Variants in RAB18 observed in about 807,000 individuals in gnomAD.
RAB18 encodes the protein ras-related protein Rab-18.
Under a neutral mutation model 28.5 loss-of-function variants are expected in RAB18, and 10 were observed. The ratio of observed to expected loss-of-function variants is 0.35; its 90% confidence interval spans 0.22 to 0.60. The LOEUF (loss-of-function observed/expected upper bound fraction) is 0.60. RAB18 is among the 20% of genes least tolerant of loss of function. The probability of loss-of-function intolerance (pLI) is 0.78; values close to 1 mark genes in which losing one functional copy is unlikely to be tolerated. For missense variants in RAB18, 188 were observed against 244.2 expected (o/e 0.77, Z 1.53); for synonymous variants, 93 against 86.9 (o/e 1.07, Z -0.39).
chr10:27,505,709 A>G (rs2138960140), intron 1 of RAB18, among the ~76,000 whole-genome samples: 1 of 152,190 alleles, frequency 6.6e-6, no homozygotes, highest in East Asian at 1.9e-4. Context: ...ACAGGCGCGC[A>G]CTATCATGCC....
In RAB18 at chr10:27,504,644, C is replaced by T; in HGVS notation, c.68+207C>T. 4.0e-6 allele frequency: 3 copies of T among 748,682 alleles called. No homozygotes were observed. The South Asian group carries it at 4.4e-5, about 11-fold the overall frequency. The allele number at this position is 748,682 out of a possible 1,614,324, so 46.4% of individuals were successfully genotyped here. On this transcript the variant is annotated intron_variant, in intron 1 of 6. Coordinates refer to ENST00000356940, the MANE Select transcript of RAB18 (RefSeq NM_021252.5). ...GCGCCTGCCTGGTTCCCGGCCTTTG[C>T]CAGGCCCAAGTTCTCTGGGTCGCTC...
Position 27,541,508 on chromosome 10 carries a change from C to G in RAB18, c.*3457C>G, listed in dbSNP as rs1454996353. ...TGTGGTATAAAGTTTGCTTAAGTGC[C>G]CCTTAGTTAAAGCTGTTCAATGAAT... On this transcript the variant is annotated 3_prime_UTR_variant, in exon 7 of 7. Transcript: ENST00000356940. The G allele has an allele frequency of 4.4e-6, 2 of 453,712 alleles. No homozygotes were observed. Among genetic ancestry groups the G allele is most frequent in the African/African-American group, 4.0e-5 (2 of 49,904 alleles). 28.1% of individuals were successfully genotyped at this position (453,712 alleles called of 1,614,324 possible).
At chr10:27,531,801 T>C (rs1381735971) in intron 3 of RAB18, among the ~76,000 whole-genome samples, 3 of 151,842 alleles carry the variant, frequency 2.0e-5, no homozygotes, top group Non-Finnish European at 4.4e-5. Context: ...TTTTTTTTTT[T>C]CTCAACAAAT....
intron 3 of RAB18, chr10:27,531,420 T>C: frequency 7.0e-7 from 1 of 1,421,812 alleles, no homozygotes; most frequent in South Asian, 1.6e-5. Context: ...CTAACATTTT[T>C]ATATCTGGGG....
intron 4 of RAB18, 106 bp from the exon 5 acceptor site, chr10:27,533,629 G>T: frequency 7.5e-7 from 1 of 1,327,580 alleles, no homozygotes; most frequent in South Asian, 1.3e-5. Context: ...ATAAAAAAAA[G>T]ACTTGTCTAT....
At chr10:27,511,467 A>G (rs1834321357) in intron 2 of RAB18, among the ~76,000 whole-genome samples, 1 of 152,100 alleles carries the variant, frequency 6.6e-6, no homozygotes, top group South Asian at 2.1e-4. Flanking sequence ...CGGCCTCCCA[A>G]AGTACTGGGA....
chr10:27,523,617 T>A (rs574224739), intron 2 of RAB18, among the ~76,000 whole-genome samples: 1 of 149,136 alleles, frequency 6.7e-6, no homozygotes, highest in South Asian at 2.1e-4. Context: ...TTACCTTTTT[T>A]TTTTTTTTTT....
At position 27,538,207 on chromosome 10, in the gene RAB18, C is replaced by T. The variant is rs150394070; in HGVS notation, c.*156C>T. ...TGCAAGAAATCCCACTCATCGACCC[C>T]GGGTAAAATGTTATGGTAAGCATGC... On this transcript the variant is annotated 3_prime_UTR_variant, in exon 7 of 7. Transcript: ENST00000356940. The T allele has an allele frequency of 6.9e-5, 70 of 1,008,468 alleles. No homozygotes were observed. Among genetic ancestry groups the T allele is most frequent in the East Asian group, 4.7e-4 (18 of 38,300 alleles). The allele number at this position is 1,008,468 out of a possible 1,614,324, so 62.5% of individuals were successfully genotyped here.
At chr10:27,513,441 T>C (rs563831296) in intron 2 of RAB18, among the ~76,000 whole-genome samples, 9 of 152,338 alleles carry the variant, frequency 5.9e-5, no homozygotes, top group Non-Finnish European at 1.2e-4. Context: ...GTAAGGAAAG[T>C]GTATTGTTAC....
intron 2 of RAB18, among the ~76,000 whole-genome samples, chr10:27,515,992 A>G (rs377701063): frequency 1.3e-4 from 19 of 151,530 alleles, no homozygotes; most frequent in Middle Eastern, 6.9e-3. Flanking sequence ...AAAATTGTCT[A>G]TTTTTGTTGT....
In RAB18 at chr10:27,541,224, A is replaced by G; in HGVS notation, c.*3173A>G. 1 of 454,006 alleles carries G rather than the reference A, an allele frequency of 2.2e-6. No individual in the cohort carries two copies. The highest frequency in any genetic ancestry group is 1.6e-5 in the South Asian group (1 of 64,472). 28.1% of individuals were successfully genotyped at this position (454,006 alleles called of 1,614,324 possible). A position where few individuals can be genotyped will look rare whatever the true frequency, so the allele number is the denominator to read the frequency against. On this transcript the variant is annotated 3_prime_UTR_variant, in exon 7 of 7. Coordinates refer to ENST00000356940, the MANE Select transcript of RAB18 (RefSeq NM_021252.5). ...TTCTGACTCCGACCCTGCCGTGTAT[A>G]CTCAACTATATAGACTTCACCCTGG...
At chr10:27,506,956 G>C (rs1457464682) in intron 1 of RAB18, among the ~76,000 whole-genome samples, 1 of 152,216 alleles carries the variant, frequency 6.6e-6, no homozygotes, top group Non-Finnish European at 1.5e-5. Context: ...CATATAGTGA[G>C]AAAGTTGTCT....
At position 27,541,345 on chromosome 10, in the gene RAB18, T is replaced by G. The variant is rs1271152568; in HGVS notation, c.*3294T>G. On this transcript the variant is annotated 3_prime_UTR_variant, in exon 7 of 7. Transcript: ENST00000356940. Reference sequence around the variant, plus strand: ...TAAGGAATATAGAATCACCCAGGTCTTTTTTTTTTTTTTTAATTTTTCTCT... The same window carrying G: ...TAAGGAATATAGAATCACCCAGGTCGTTTTTTTTTTTTTTAATTTTTCTCT... 3.7e-4 allele frequency: 3 copies of G among 8,088 alleles called. No homozygotes were observed. In the East Asian group the frequency reaches 5.6e-3, roughly 15 times the overall value. 0.5% of individuals were successfully genotyped at this position (8,088 alleles called of 1,614,324 possible).
At chr10:27,510,445 A>G (rs1466905134) in intron 2 of RAB18, 1 of 167,494 alleles carries the variant, frequency 6.0e-6, no homozygotes, top group Non-Finnish European at 1.3e-5. Flanking sequence ...ATGATACTTA[A>G]ATGCCTTTTA....
In RAB18 at chr10:27,539,593, T is replaced by C. The variant is rs10508724; in HGVS notation, c.*1542T>C. ...AACACTAACACATGTACTTGTGATT[T>C]GTTCATGTTATATTAAAACTTGAGA... is the stretch of plus-strand genomic sequence containing the variant. On this transcript the variant is annotated 3_prime_UTR_variant, in exon 7 of 7. Coordinates refer to ENST00000356940, the MANE Select transcript of RAB18 (RefSeq NM_021252.5). The C allele has an allele frequency of 0.035, 15,435 of 438,332 alleles. 1,308 individuals carry two copies. The highest frequency in any genetic ancestry group is 0.31 in the East Asian group (4,470 of 14,334). 27.2% of individuals were successfully genotyped at this position (438,332 alleles called of 1,614,324 possible).
intron 6 of RAB18, among the ~76,000 whole-genome samples, chr10:27,536,047 A>T (rs905508452): frequency 1.3e-5 from 2 of 150,730 alleles, no homozygotes; most frequent in African/African-American, 2.4e-5. Context: ...ACGCCACTGC[A>T]CTCCAGCCTG....
chr10:27,536,443 G>A (rs1315656270), intron 6 of RAB18, among the ~76,000 whole-genome samples: 2 of 152,120 alleles, frequency 1.3e-5, no homozygotes, highest in Non-Finnish European at 2.9e-5. Context: ...TGTTCTGGAG[G>A]CTGAGGTGGG....
At chr10:27,507,281 G>C (rs1183794624) in intron 1 of RAB18, among the ~76,000 whole-genome samples, 1 of 152,192 alleles carries the variant, frequency 6.6e-6, no homozygotes, top group East Asian at 1.9e-4. Context: ...AGAGTCTAAA[G>C]GGTATGTGAT....
At chr10:27,511,763 G>A (rs1834327473) in intron 2 of RAB18, among the ~76,000 whole-genome samples, 1 of 152,178 alleles carries the variant, frequency 6.6e-6, no homozygotes, top group African/African-American at 2.4e-5. Flanking sequence ...CATTGAGACT[G>A]TATAGGTATC....
Sources: allele counts gnomAD v4.1 joint callset (sites outside exome capture counted in the v4.1 genomes callset), GRCh38; gene constraint gnomAD v4.1.1; transcripts MANE v1.5; gene names NCBI Gene and HGNC (gene_info 2026-07-23, HGNC 2026-07-21).